Variants in ACTR3B observed in about 807,000 individuals in gnomAD.
ACTR3B encodes actin related protein 3B.
In ACTR3B, 8 loss-of-function variants were observed where a neutral mutation model predicts 59.0. The observed-to-expected ratio is 0.14, with a 90% confidence interval of 0.08 to 0.24. ACTR3B has a LOEUF of 0.24. Among genes scored for constraint, ACTR3B ranks in the 10% least tolerant of loss-of-function variants. The pLI is 1.00. For missense variants in ACTR3B, 245 were observed against 552.3 expected, an observed-to-expected ratio of 0.44 and a Z score of 5.58; for synonymous variants, 148 against 197.9, an observed-to-expected ratio of 0.75 and a Z score of 2.12.
intron 4 of ACTR3B, chr7:152,810,694 G>C (rs1246618203): frequency 6.6e-6 from 1 of 151,990 alleles, no homozygotes; most frequent in Non-Finnish European, 1.5e-5. Context: ...TTGAGGTCAG[G>C]AGTTCGAGAC....
In ACTR3B at chr7:152,842,565, G is replaced by A. The variant is rs570011910; in HGVS notation, c.952-9561G>A. Among the ~76,000 whole-genome samples the A allele has an allele frequency of 4.2e-3, 441 of 105,180 alleles. 2 individuals carry two copies. Among genetic ancestry groups the A allele is most frequent in the African/African-American group, 0.011 (412 of 38,038 alleles). 69.0% of individuals were successfully genotyped at this position (105,180 alleles called of 152,430 possible). A position where few individuals can be genotyped will look rare whatever the true frequency, so the allele number is the denominator to read the frequency against. ...GGCTGCTGGAAATGGAGTGCTCCGC[G>A]TGTTCTCTGTTTCCGGCTTCCTTCA... On this transcript the variant is annotated intron_variant, in intron 9 of 11. Transcript: ENST00000256001.
intron 1 of ACTR3B, among the ~76,000 whole-genome samples, chr7:152,775,246 T>C (rs1283967408): frequency 6.7e-6 from 1 of 149,884 alleles, no homozygotes; most frequent in Admixed American, 6.6e-5. Flanking sequence ...AGATGTAACA[T>C]TTGTACTTTC....
rs983247136 is a variant in ACTR3B, at chr7:152,852,121, T to C, written c.952-5T>C. ...CCAGGGCTCCCTCTGCTTTGTGTCT[T>C]GTAGAATGTCGTACTCTCAGGAGGC... On this transcript the variant is annotated splice_region_variant and splice_polypyrimidine_tract_variant and intron_variant, in intron 9 of 11. Coordinates refer to ENST00000256001, the MANE Select transcript of ACTR3B (RefSeq NM_020445.6). 5 of 1,613,970 alleles carry C rather than the reference T, an allele frequency of 3.1e-6. No individual in the cohort carries two copies. Among genetic ancestry groups the C allele is most frequent in the Middle Eastern group, 1.6e-4 (1 of 6,062 alleles).
At chr7:152,835,524 AAT>A (rs997301495) in intron 9 of ACTR3B, among the ~76,000 whole-genome samples, 18 of 152,224 alleles carry the variant, frequency 1.2e-4, no homozygotes, top group Admixed American at 1.1e-3. Flanking sequence ...TTCATTTAAA[AAT>A]ATGTTATTGC....
intron 9 of ACTR3B, among the ~76,000 whole-genome samples, chr7:152,834,216 T>C (rs1797259473): frequency 6.6e-6 from 1 of 151,752 alleles, no homozygotes; most frequent in East Asian, 1.9e-4. Context: ...TGCAGTGGTG[T>C]AATCTCCAGT....
intron 1 of ACTR3B, among the ~76,000 whole-genome samples, chr7:152,771,493 A>G (rs932504796): frequency 6.6e-6 from 1 of 152,174 alleles, no homozygotes; most frequent in African/African-American, 2.4e-5. Flanking sequence ...GTGAGGATCA[A>G]CTTCCTGAAA....
chr7:152,846,835 G>T (rs1798361246), intron 9 of ACTR3B, among the ~76,000 whole-genome samples: 1 of 147,828 alleles, frequency 6.8e-6, no homozygotes, highest in Non-Finnish European at 1.5e-5. Context: ...CCAGTGTCTG[G>T]GCTGTAGTCT....
intron 4 of ACTR3B, among the ~76,000 whole-genome samples, chr7:152,802,941 G>A (rs937792385): frequency 7.2e-5 from 11 of 151,966 alleles, no homozygotes; most frequent in African/African-American, 2.7e-4. Flanking sequence ...TTTTTCCCTG[G>A]CTGTGTCTTC....
chr7:152,765,869 G>A (rs561775155), intron 1 of ACTR3B, among the ~76,000 whole-genome samples: 2 of 152,216 alleles, frequency 1.3e-5, no homozygotes, highest in African/African-American at 4.8e-5. Flanking sequence ...GAGGCCCTGC[G>A]TGCTGTGTCA....
At chr7:152,803,250 G>A (rs1378044485) in intron 4 of ACTR3B, among the ~76,000 whole-genome samples, 2 of 152,086 alleles carry the variant, frequency 1.3e-5, no homozygotes, top group Non-Finnish European at 2.9e-5. Flanking sequence ...GTCTTGCTAT[G>A]TTGTCCAAGC....
At position 152,854,566 on chromosome 7, in the gene ACTR3B, C is replaced by A. The variant is rs144608640; in HGVS notation, c.*13C>A. The A allele has an allele frequency of 6.2e-7, 1 of 1,612,700 alleles. No homozygotes were observed. The highest frequency in any genetic ancestry group is 8.5e-7 in the Non-Finnish European group (1 of 1,178,970). On this transcript the variant is annotated 3_prime_UTR_variant, in exon 12 of 12. Coordinates refer to ENST00000256001, the MANE Select transcript of ACTR3B (RefSeq NM_020445.6). This position sits in a 1 kb window ranked among gnomAD's most constrained non-coding sequence, Gnocchi z 4.9. ...AGTCATGTCCTAGTGTCTGCCTGAA[C>A]GCGTCGTTCGATGGTGTCACGTTGG...
intron 2 of ACTR3B, among the ~76,000 whole-genome samples, chr7:152,792,679 T>A (rs2098200774): frequency 6.6e-6 from 1 of 151,846 alleles, no homozygotes; most frequent in Non-Finnish European, 1.5e-5. Flanking sequence ...ACCTGGGAGG[T>A]GGAGGTTGCA....
chr7:152,775,064 C>T (rs531283885), intron 1 of ACTR3B, among the ~76,000 whole-genome samples: 3 of 152,016 alleles, frequency 2.0e-5, no homozygotes, highest in East Asian at 3.9e-4. Context: ...TGGTGTCGTG[C>T]ACCTATAGTC....
intron 2 of ACTR3B, among the ~76,000 whole-genome samples, chr7:152,797,890 G>A (rs1327648547): frequency 6.6e-6 from 1 of 152,024 alleles, no homozygotes; most frequent in Non-Finnish European, 1.5e-5. Context: ...TGGCTGAATA[G>A]TATTCCACTG....
intron 9 of ACTR3B, among the ~76,000 whole-genome samples, chr7:152,849,607 A>G (rs1344578481): frequency 6.6e-6 from 1 of 152,216 alleles, no homozygotes; most frequent in Non-Finnish European, 1.5e-5. Flanking sequence ...ACTAGCACTA[A>G]TGACAGTTGA....
chr7:152,829,861 A>G (rs1374207181), intron 9 of ACTR3B, among the ~76,000 whole-genome samples: 4 of 152,204 alleles, frequency 2.6e-5, no homozygotes, highest in Non-Finnish European at 5.9e-5. Context: ...TTGTAATGTA[A>G]TGGATGTCTT....
rs182263559 is a variant in ACTR3B, at chr7:152,797,062, T to G, written c.101-3469T>G. Among the ~76,000 whole-genome samples, 651 of 151,990 alleles carry G rather than the reference T, an allele frequency of 4.3e-3. 5 individuals are homozygous for G. The highest frequency in any genetic ancestry group is 0.015 in the African/African-American group (619 of 41,474). On this transcript the variant is annotated intron_variant, in intron 2 of 11. Coordinates refer to ENST00000256001, the MANE Select transcript of ACTR3B (RefSeq NM_020445.6). ...CTCCTGAAATTCAGTCACAAGGATTTAAAAAATTTTTTTAATTAAAAACAG... is the reference window on the plus strand; with the variant it reads ...CTCCTGAAATTCAGTCACAAGGATTGAAAAAATTTTTTTAATTAAAAACAG...
chr7:152,835,960 C>A lies in ACTR3B; in HGVS notation c.951+10838C>A, dbSNP rs552084553. The stretch of plus-strand genomic sequence containing the variant: ...CTGCTGACCTGGTGAACGAGAGGCA[C>A]GGCAGGCTATGGGGCCTGGGGGCTT... On this transcript the variant is annotated intron_variant, in intron 9 of 11. Transcript: ENST00000256001. 1.1e-4 allele frequency among the ~76,000 whole-genome samples: 17 copies of A among 148,664 alleles called. No individual in the cohort carries two copies. The South Asian group carries it at 3.8e-3, about 33-fold the overall frequency.
rs549944742 is a variant in ACTR3B, at chr7:152,782,615, A to T, written c.45-572A>T. Among the ~76,000 whole-genome samples the T allele has an allele frequency of 1.1e-4, 16 of 152,114 alleles. 1 individual carries two copies. In the South Asian group the frequency reaches 3.1e-3, roughly 30 times the overall value. On this transcript the variant is annotated intron_variant, in intron 1 of 11. Coordinates refer to ENST00000256001, the MANE Select transcript of ACTR3B (RefSeq NM_020445.6). ...AGACGGCAGTAGCTGTTTCTTAGACATATGCCATGACATTTTAAGAAAATT... is the reference window on the plus strand; with the variant it reads ...AGACGGCAGTAGCTGTTTCTTAGACTTATGCCATGACATTTTAAGAAAATT...
Sources: gnomAD v4.1 joint callset for allele counts (sites outside exome capture counted in the v4.1 genomes callset) on GRCh38, gnomAD v4.1.1 for gene constraint, Gnocchi (gnomAD v3.1) non-coding constraint, MANE v1.5 for transcripts, NCBI Gene and HGNC (gene_info 2026-07-23, HGNC 2026-07-21) for gene names.